JMJD1C: variants seen among roughly 807,000 people sequenced by gnomAD.
The protein encoded by JMJD1C is jumonji domain-containing protein 1C.
In JMJD1C, 31 loss-of-function variants were observed where a neutral mutation model predicts 245.3. The ratio of observed to expected loss-of-function variants is 0.13; its 90% CI spans 0.09 to 0.17. The LOEUF is 0.17. Among genes scored for constraint, JMJD1C ranks in the 10% least tolerant of loss-of-function variants. The probability of loss-of-function intolerance (pLI) is 1.00; values close to 1 mark genes in which losing one functional copy is unlikely to be tolerated. For missense variants in JMJD1C, 2,691 were observed against 3,000.2 expected, an observed-to-expected ratio of 0.90 and a Z score of 2.41; for synonymous variants, 1,057 against 1,017.4, an observed-to-expected ratio of 1.04 and a Z score of -0.74.
intron 2 of JMJD1C, among the ~76,000 whole-genome samples, chr10:63,355,477 C>A (rs1418641155): frequency 6.6e-6 from 1 of 152,176 alleles, no homozygotes. Context: ...ATTGTTCCAT[C>A]ATCACAAGGA....
At chr10:63,295,724 G>A (rs1282684792) in intron 2 of JMJD1C, among the ~76,000 whole-genome samples, 6 of 151,824 alleles carry the variant, frequency 4.0e-5, no homozygotes, top group Admixed American at 6.6e-5. Context: ...TGGTAGTTAC[G>A]CTCTGTAAAG....
chr10:63,443,679 C>T (rs568501244), intron 1 of JMJD1C, among the ~76,000 whole-genome samples: 20 of 152,304 alleles, frequency 1.3e-4, no homozygotes, highest in African/African-American at 3.9e-4. Flanking sequence ...GTTACATATG[C>T]CACTGGTAAT....
At chr10:63,212,972 G>T (rs977414020) in intron 8 of JMJD1C, among the ~76,000 whole-genome samples, 6 of 151,246 alleles carry the variant, frequency 4.0e-5, no homozygotes, top group Non-Finnish European at 5.9e-5. Flanking sequence ...CGGATCACAA[G>T]GTCAGGAGTT....
At chr10:63,337,396 C>T (rs1414887210) in intron 2 of JMJD1C, among the ~76,000 whole-genome samples, 1 of 130,106 alleles carries the variant, frequency 7.7e-6, no homozygotes, top group Non-Finnish European at 1.6e-5. Flanking sequence ...GAGCCGAGGT[C>T]TTGCCACTGT....
intron 1 of JMJD1C, among the ~76,000 whole-genome samples, chr10:63,411,299 T>C (rs1214896856): frequency 2.0e-5 from 3 of 147,202 alleles, no homozygotes; most frequent in African/African-American, 7.5e-5. Flanking sequence ...ACTGATTTTT[T>C]TTTTTTTTTT....
chr10:63,171,599 T>A (rs564221148), intron 24 of JMJD1C, among the ~76,000 whole-genome samples: 9 of 152,196 alleles, frequency 5.9e-5, no homozygotes, highest in Non-Finnish European at 1.0e-4. Flanking sequence ...GATTCCTATT[T>A]GTGTGGTTTC....
rs181123213 is a variant in JMJD1C at position 63,414,160 on chromosome 10, G to T, written c.169-33678C>A. Among the ~76,000 whole-genome samples, 503 of 151,646 alleles carry T rather than the reference G, an allele frequency of 3.3e-3. 4 individuals carry two copies. The highest frequency in any genetic ancestry group is 0.011 in the African/African-American group (472 of 41,358). On this transcript the variant is annotated intron_variant, in intron 1 of 25. Coordinates refer to ENST00000399262, the MANE Select transcript of JMJD1C (RefSeq NM_032776.3). ...CGCCAACACGCCCAGCTAATTTTTT[G>T]TATTTTTAGTACAGACAGGGTTTTA...
At chr10:63,521,829 C>T (rs113973333) in exon 1 of JMJD1C, 54 of 147,110 alleles carry the variant, frequency 3.7e-4, no homozygotes, top group African/African-American at 3.2e-3. Flanking sequence ...TGTGGCGCTG[C>T]TCGGCTGCGT....
intron 2 of JMJD1C, among the ~76,000 whole-genome samples, chr10:63,361,678 G>A (rs748828106): frequency 5.9e-5 from 8 of 136,574 alleles, no homozygotes; most frequent in African/African-American, 1.7e-4. Flanking sequence ...AGACTGTGCC[G>A]CTGGACTCCA....
intron 1 of JMJD1C, among the ~76,000 whole-genome samples, chr10:63,411,569 G>A (rs1949480922): frequency 1.3e-5 from 2 of 151,308 alleles, no homozygotes; most frequent in Admixed American, 1.3e-4. Context: ...AGAGTGCTGG[G>A]ATTACAGGCG....
At chr10:63,459,613 A>C (rs1399483344) in intron 1 of JMJD1C, among the ~76,000 whole-genome samples, 1 of 152,216 alleles carries the variant, frequency 6.6e-6, no homozygotes, top group African/African-American at 2.4e-5. Flanking sequence ...AAAGCAGAAC[A>C]TATCACCCTT....
At chr10:63,421,771 C>CCT (rs1950140531) in intron 1 of JMJD1C, among the ~76,000 whole-genome samples, 1 of 152,142 alleles carries the variant, frequency 6.6e-6, no homozygotes, top group African/African-American at 2.4e-5. Context: ...AGCTTCACTT[C>CCT]CTCTTTGCTT....
At position 63,472,039 on chromosome 10, in the gene JMJD1C, AAAAC is replaced by A. The variant is rs1055525050; in HGVS notation, n.113+49695_113+49698del. ...GGGCGACAGAGTGAGACTCAGTCTC[AAAAC>A]AAACAAACAAACAAACAAACAGTCT... On this transcript the variant is annotated intron_variant and non_coding_transcript_variant, in intron 1 of 3. Transcript: ENST00000633035. Among the ~76,000 whole-genome samples the A allele has an allele frequency of 2.8e-3, 421 of 152,236 alleles. 6 individuals are homozygous for A. The highest frequency in any genetic ancestry group is 0.01 in the Middle Eastern group (3 of 294).
intron 3 of JMJD1C, among the ~76,000 whole-genome samples, chr10:63,237,318 G>A (rs1052495164): frequency 3.3e-5 from 5 of 150,880 alleles, no homozygotes; most frequent in South Asian, 2.1e-4. Context: ...GATTACAGGC[G>A]TGAGCCACTG....
rs749156722 is a variant in JMJD1C at position 63,200,427 on chromosome 10, A to G, written c.5276+49T>C. 4.3e-6 allele frequency: 6 copies of G among 1,396,096 alleles called. No individual in the cohort carries two copies. The Admixed American group carries it at 5.3e-5, about 12-fold the overall frequency. 86.5% of individuals were successfully genotyped at this position (1,396,096 alleles called of 1,614,324 possible). A position where few individuals can be genotyped will look rare whatever the true frequency, so the allele number is the denominator to read the frequency against. ...TCAGAATAACACTATATAATTTCCAATATCAAATCAATAAATTACTTTTTT... is the reference window on the plus strand; with the variant it reads ...TCAGAATAACACTATATAATTTCCAGTATCAAATCAATAAATTACTTTTTT... On this transcript the variant is annotated intron_variant, in intron 11 of 25. Transcript: ENST00000399262.
intron 2 of JMJD1C, among the ~76,000 whole-genome samples, chr10:63,270,099 GAC>G (rs1282034386): frequency 4.6e-5 from 7 of 152,224 alleles, no homozygotes; most frequent in African/African-American, 1.4e-4. Flanking sequence ...TTGATGTAAA[GAC>G]AATTTAAAAT....
intron 19 of JMJD1C, 63 bp downstream of exon 19, chr10:63,186,152 A>G (rs891357762): frequency 7.9e-7 from 1 of 1,260,728 alleles, no homozygotes; most frequent in Non-Finnish European, 1.1e-6. Context: ...GTTAAGTTAC[A>G]TTTGGAATTT....
At chr10:63,476,703 T>C (rs1017060510) in intron 1 of JMJD1C, among the ~76,000 whole-genome samples, 2 of 152,174 alleles carry the variant, frequency 1.3e-5, no homozygotes, top group Admixed American at 6.5e-5. Flanking sequence ...CACTCCAGCC[T>C]GGATGACAGA....
intron 1 of JMJD1C, among the ~76,000 whole-genome samples, chr10:63,464,140 C>T (rs1470962795): frequency 6.6e-6 from 1 of 152,150 alleles, no homozygotes; most frequent in East Asian, 1.9e-4. Flanking sequence ...GAACCACTAA[C>T]ATCACCAATA....
Sources: allele counts gnomAD v4.1 joint callset (sites outside exome capture counted in the v4.1 genomes callset), GRCh38; gene constraint gnomAD v4.1.1; transcripts MANE v1.5; gene names NCBI Gene and HGNC (gene_info 2026-07-23, HGNC 2026-07-21).